The following ZBTB20 variants were observed in gnomAD, a reference collection of about 807,000 sequenced individuals.
ZBTB20 encodes the protein zinc finger and BTB domain containing 20, also known as zinc finger and BTB domain-containing protein 20.
A neutral mutation model predicts 56.9 loss-of-function variants in ZBTB20; 9 were observed. The ratio of observed to expected loss-of-function variants is 0.16; its 90% CI spans 0.10 to 0.28. ZBTB20 has a LOEUF of 0.28. Among genes scored for constraint, ZBTB20 ranks in the 10% least tolerant of loss-of-function variants. The pLI is 1.00. For synonymous variants in ZBTB20, 417 were observed against 420.7 expected, an observed-to-expected ratio of 0.99 and a Z score of 0.11; for missense variants, 655 against 1,003.0, an observed-to-expected ratio of 0.65 and a Z score of 4.69.
At chr3:114,616,995 G>T (rs1056873542) in intron 6 of ZBTB20, among the ~76,000 whole-genome samples, 1 of 152,116 alleles carries the variant, frequency 6.6e-6, no homozygotes, top group African/African-American at 2.4e-5. Flanking sequence ...TATTGTCCTA[G>T]TTCAGGGCTT....
intron 3 of ZBTB20, among the ~76,000 whole-genome samples, chr3:114,937,902 C>A (rs2076597502): frequency 6.6e-6 from 1 of 151,952 alleles, no homozygotes; most frequent in African/African-American, 2.4e-5. Context: ...TCAAGACCAG[C>A]CTGGCTAACA....
chr3:114,771,018 T>G (rs1488199357), intron 5 of ZBTB20, among the ~76,000 whole-genome samples: 1 of 152,212 alleles, frequency 6.6e-6, no homozygotes, highest in Non-Finnish European at 1.5e-5. Flanking sequence ...CATGCACTTG[T>G]TAAGGACTTT....
chr3:114,968,666 A>C (rs1036103717), intron 3 of ZBTB20, among the ~76,000 whole-genome samples: 46 of 152,202 alleles, frequency 3.0e-4, no homozygotes, highest in Non-Finnish European at 2.9e-4. Flanking sequence ...CTCTTTTTTC[A>C]TCATTACTAT....
At chr3:114,501,021 G>T (rs1193463987) in intron 6 of ZBTB20, among the ~76,000 whole-genome samples, 1 of 152,148 alleles carries the variant, frequency 6.6e-6, no homozygotes, top group Non-Finnish European at 1.5e-5. Flanking sequence ...GGTATATTTA[G>T]TATGTTTAAT....
At chr3:114,446,151 G>A (rs1012990182) in intron 7 of ZBTB20, among the ~76,000 whole-genome samples, 3 of 151,966 alleles carry the variant, frequency 2.0e-5, no homozygotes, top group African/African-American at 7.3e-5. Flanking sequence ...TGAAAGCCTG[G>A]CATCTCATCA....
At chr3:114,903,786 C>T (rs897672409) in intron 3 of ZBTB20, among the ~76,000 whole-genome samples, 2 of 151,910 alleles carry the variant, frequency 1.3e-5, no homozygotes, top group African/African-American at 4.8e-5. Context: ...GTGTAATGGT[C>T]TTAGCAATCA....
chr3:114,497,300 C>T (rs919620965), intron 7 of ZBTB20, among the ~76,000 whole-genome samples: 11 of 152,138 alleles, frequency 7.2e-5, no homozygotes, highest in Non-Finnish European at 1.3e-4. Context: ...TCTTCAAAGC[C>T]TCCTTGAGCC....
chr3:114,602,498 T>C (rs1002691342), intron 6 of ZBTB20, among the ~76,000 whole-genome samples: 3 of 152,008 alleles, frequency 2.0e-5, no homozygotes, highest in African/African-American at 7.2e-5. Flanking sequence ...ATGCTCCCTC[T>C]TTATTGTTCT....
At chr3:114,700,085 C>G (rs555103276) in intron 5 of ZBTB20, among the ~76,000 whole-genome samples, 21 of 152,144 alleles carry the variant, frequency 1.4e-4, no homozygotes, top group African/African-American at 3.1e-4. Flanking sequence ...TGTGAGCCTA[C>G]TGTTCAAATT....
intron 1 of ZBTB20, among the ~76,000 whole-genome samples, chr3:115,124,526 T>C (rs1361460895): frequency 6.6e-6 from 1 of 152,158 alleles, no homozygotes; most frequent in Non-Finnish European, 1.5e-5. Context: ...GTGTCCGACC[T>C]TTAAGAAAAA....
At chr3:114,787,368 T>TACACACATAC (rs1553821532) in intron 5 of ZBTB20, among the ~76,000 whole-genome samples, 1 of 106,332 alleles carries the variant, frequency 9.4e-6, no homozygotes, top group African/African-American at 4.5e-5. Context: ...TATATATATA[T>TACACACATAC]ACACACACAC....
intron 2 of ZBTB20, among the ~76,000 whole-genome samples, chr3:115,016,469 C>A (rs909157860): frequency 7.2e-5 from 11 of 151,790 alleles, no homozygotes; most frequent in African/African-American, 2.4e-4. Context: ...GTCCTTAATC[C>A]ATCTTGGGTT....
At chr3:114,993,482 T>C (rs914921559) in intron 2 of ZBTB20, among the ~76,000 whole-genome samples, 2 of 151,850 alleles carry the variant, frequency 1.3e-5, no homozygotes, top group African/African-American at 4.8e-5. Context: ...TTCCAACTAA[T>C]GTGTAATATT....
At chr3:114,655,736 TTATAAG>T (rs1306450029) in intron 6 of ZBTB20, among the ~76,000 whole-genome samples, 4 of 152,208 alleles carry the variant, frequency 2.6e-5, no homozygotes, top group Non-Finnish European at 5.9e-5. Context: ...TGTGAGTATC[TTATAAG>T]TATAATTTCA....
At chr3:114,951,488 G>A (rs2077066007) in intron 3 of ZBTB20, among the ~76,000 whole-genome samples, 1 of 152,066 alleles carries the variant, frequency 6.6e-6, no homozygotes, top group African/African-American at 2.4e-5. Context: ...ATCAGCATAT[G>A]AATACAATTA....
At chr3:114,909,309 T>C (rs574658204) in intron 3 of ZBTB20, among the ~76,000 whole-genome samples, 63 of 152,040 alleles carry the variant, frequency 4.1e-4, no homozygotes, top group Non-Finnish European at 6.9e-4. Context: ...AGAATAAAGA[T>C]GTAAAGAAAA....
intron 7 of ZBTB20, among the ~76,000 whole-genome samples, chr3:114,471,926 C>A (rs2040177024): frequency 6.6e-6 from 1 of 152,008 alleles, no homozygotes; most frequent in Non-Finnish European, 1.5e-5. Context: ...CAAGAAGCTG[C>A]AGTTTGAATG....
At position 114,894,789 on chromosome 3, in the gene ZBTB20, G is replaced by A. The variant is rs903517108; in HGVS notation, c.-417+5515C>T. Among the ~76,000 whole-genome samples, 5 of 152,140 alleles carry A rather than the reference G, an allele frequency of 3.3e-5. No homozygotes were observed. The South Asian group carries it at 1.0e-3, about 31-fold the overall frequency. On this transcript the variant is annotated intron_variant, in intron 4 of 11. Coordinates refer to ENST00000675478, the MANE Select transcript of ZBTB20 (RefSeq NM_001348800.3). Reference sequence around the variant, plus strand: ...AACCTTGATTTCAGACTTCTGAACTGTGAGAAAACAAATGTCTGTTTAAGC... The same window carrying A: ...AACCTTGATTTCAGACTTCTGAACTATGAGAAAACAAATGTCTGTTTAAGC...
chr3:115,091,821 G>T (rs975427006), intron 1 of ZBTB20, among the ~76,000 whole-genome samples: 1 of 151,880 alleles, frequency 6.6e-6, no homozygotes, highest in Non-Finnish European at 1.5e-5. Context: ...CCAATAGAAG[G>T]TTCTGGAGGA....
Sources: allele counts gnomAD v4.1 joint callset (sites outside exome capture counted in the v4.1 genomes callset), GRCh38; gene constraint gnomAD v4.1.1; transcripts MANE v1.5; gene names NCBI Gene and HGNC (gene_info 2026-07-23, HGNC 2026-07-21).